The following SSPN variants were observed in gnomAD, a reference collection of about 807,000 sequenced individuals.
SSPN encodes K-ras oncogene-associated protein.
Under a neutral mutation model 19.1 loss-of-function variants are expected in SSPN, and 15 were observed. That is an observed-to-expected ratio of 0.78 (90% CI 0.52 to 1.21). The LOEUF is 1.21. SSPN is among the 50% of genes most tolerant of loss of function. SSPN has a pLI of 0.00. For missense variants in SSPN, 291 were observed against 314.0 expected (o/e 0.93, Z 0.55); for synonymous variants, 147 against 140.3 (o/e 1.05, Z -0.34).
intron 1 of SSPN, chr12:26,123,849 G>T (rs1041773663): frequency 2.4e-6 from 2 of 838,366 alleles, no homozygotes; most frequent in African/African-American, 1.7e-5. Context: ...TTTGAAAGAA[G>T]TACTGTTCTT....
intron 1 of SSPN, among the ~76,000 whole-genome samples, chr12:26,153,846 G>A (rs1944540040): frequency 6.6e-6 from 1 of 152,318 alleles, no homozygotes; most frequent in Non-Finnish European, 1.5e-5. Context: ...TAAAGTCTAA[G>A]TTGGGAGAAC....
intron 1 of SSPN, among the ~76,000 whole-genome samples, chr12:26,173,755 G>T (rs1346356434): frequency 6.6e-6 from 1 of 152,142 alleles, no homozygotes; most frequent in African/African-American, 2.4e-5. Flanking sequence ...TATATTTCAA[G>T]GAATTTGGAA....
At chr12:26,222,465 A>G (rs1945132112) in intron 1 of SSPN, among the ~76,000 whole-genome samples, 1 of 152,168 alleles carries the variant, frequency 6.6e-6, no homozygotes, top group African/African-American at 2.4e-5. Flanking sequence ...GGTAGGAAAT[A>G]TGGTTTGAAT....
intron 1 of SSPN, among the ~76,000 whole-genome samples, chr12:26,174,190 T>C (rs376036016): frequency 2.9e-4 from 44 of 152,322 alleles, no homozygotes; most frequent in African/African-American, 9.6e-4. Flanking sequence ...TAGGCATTAT[T>C]TGAAGGTCAA....
chr12:26,133,809 A>G (rs908205682), intron 1 of SSPN, among the ~76,000 whole-genome samples: 5 of 152,212 alleles, frequency 3.3e-5, no homozygotes, highest in African/African-American at 1.2e-4. Context: ...TCTAAGTTAG[A>G]AAGAGGTGGG....
intron 1 of SSPN, 44 bp downstream of exon 1, chr12:26,195,995 G>C (rs372549043): frequency 9.7e-5 from 137 of 1,408,624 alleles, no homozygotes; most frequent in Non-Finnish European, 1.3e-4. Flanking sequence ...TGCCAAACAG[G>C]AATGCGAAGT....
At chr12:26,197,735 G>A (rs1306894849) in intron 1 of SSPN, among the ~76,000 whole-genome samples, 2 of 152,158 alleles carry the variant, frequency 1.3e-5, no homozygotes, top group Non-Finnish European at 2.9e-5. Context: ...TGCACAAAGG[G>A]CATTATATAC....
At chr12:26,122,185 G>A in intron 1 of SSPN, 1 of 1,482,208 alleles carries the variant, frequency 6.7e-7, no homozygotes, top group Admixed American at 2.4e-5. Context: ...TGGGGGTGCG[G>A]CGCCCCAAGG....
chr12:26,184,256 A>G (rs1944738294), intron 1 of SSPN, among the ~76,000 whole-genome samples: 1 of 152,340 alleles, frequency 6.6e-6, no homozygotes, highest in South Asian at 2.1e-4. Flanking sequence ...AGTTATTTAC[A>G]ACAACATATT....
chr12:26,189,992 T>C (rs1009415571), intron 1 of SSPN, among the ~76,000 whole-genome samples: 3 of 152,104 alleles, frequency 2.0e-5, no homozygotes, highest in Non-Finnish European at 2.9e-5. Flanking sequence ...AGTGAAGCCA[T>C]GGAACATGTA....
intron 2 of SSPN, among the ~76,000 whole-genome samples, chr12:26,225,961 G>A (rs957031716): frequency 2.7e-5 from 4 of 150,254 alleles, no homozygotes; most frequent in Non-Finnish European, 5.9e-5. Context: ...CTGCACCTTA[G>A]TTAAAATAGG....
chr12:26,155,665 C>CG (rs1397314874), intron 1 of SSPN, among the ~76,000 whole-genome samples: 1 of 152,062 alleles, frequency 6.6e-6, no homozygotes. Flanking sequence ...AACATGAAGG[C>CG]AAATCATTCA....
intron 1 of SSPN, among the ~76,000 whole-genome samples, chr12:26,200,960 G>C (rs933293510): frequency 7.6e-6 from 1 of 131,142 alleles, no homozygotes; most frequent in African/African-American, 2.9e-5. Context: ...CTCATAGTAA[G>C]TATAAAAATG....
At chr12:26,143,970 C>A (rs1038741961) in intron 1 of SSPN, among the ~76,000 whole-genome samples, 2 of 152,216 alleles carry the variant, frequency 1.3e-5, no homozygotes, top group Non-Finnish European at 2.9e-5. Flanking sequence ...CCATCACCCC[C>A]ACATGGGACC....
chr12:26,195,641 G>GCTGGGGGC lies in SSPN; in HGVS notation c.-31_-30insTGGGGGCC. The GCTGGGGGC allele has an allele frequency of 9.0e-7, 1 of 1,105,402 alleles. No homozygotes were observed. The highest frequency in any genetic ancestry group is 1.1e-6 in the Non-Finnish European group (1 of 878,120). 68.5% of individuals were successfully genotyped at this position (1,105,402 alleles called of 1,614,324 possible). Reference sequence around the variant, plus strand: ...CTCCAGGGCCCAGGGCGCCGCACACGCACCCACCCACCCACCCAGCCTCGC... The same window carrying GCTGGGGGC: ...CTCCAGGGCCCAGGGCGCCGCACACGCTGGGGGCCACCCACCCACCCACCCAGCCTCGC... On this transcript the variant is annotated 5_prime_UTR_variant, in exon 1 of 3. Transcript: ENST00000242729.
At chr12:26,127,577 C>A (rs1450881858) in intron 1 of SSPN, among the ~76,000 whole-genome samples, 1 of 152,110 alleles carries the variant, frequency 6.6e-6, no homozygotes, top group Non-Finnish European at 1.5e-5. Flanking sequence ...TTTTCCTCTT[C>A]TTTTCTGTCT....
chr12:26,125,183 G>A, intron 1 of SSPN: 1 of 344,336 alleles, frequency 2.9e-6, no homozygotes, highest in South Asian at 2.5e-5. Context: ...GAAGGCGAAC[G>A]GCAGGAGGGG....
chr12:26,148,939 G>T (rs964815592), intron 1 of SSPN, among the ~76,000 whole-genome samples: 1 of 152,076 alleles, frequency 6.6e-6, no homozygotes. Flanking sequence ...ACACACAAAT[G>T]CCTGGATTTT....
chr12:26,195,641 G>GCGGGGGGGGCCCCCCCCC lies in SSPN; in HGVS notation c.-31_-30insGGGGGGGGCCCCCCCCCC. On this transcript the variant is annotated 5_prime_UTR_variant, in exon 1 of 3. Transcript: ENST00000242729. ...CTCCAGGGCCCAGGGCGCCGCACAC[G>GCGGGGGGGGCCCCCCCCC]CACCCACCCACCCACCCAGCCTCGC... 9.0e-7 allele frequency: 1 copy of GCGGGGGGGGCCCCCCCCC among 1,105,400 alleles called. No homozygotes were observed. Among genetic ancestry groups the GCGGGGGGGGCCCCCCCCC allele is most frequent in the Non-Finnish European group, 1.1e-6 (1 of 878,118 alleles). The allele number at this position is 1,105,400 out of a possible 1,614,324, so 68.5% of individuals were successfully genotyped here.
Sources: allele counts gnomAD v4.1 joint callset (sites outside exome capture counted in the v4.1 genomes callset), GRCh38; gene constraint gnomAD v4.1.1; transcripts MANE v1.5; gene names NCBI Gene and HGNC (gene_info 2026-07-23, HGNC 2026-07-21).